TBC1D22A: variants seen among roughly 807,000 people sequenced by gnomAD.
TBC1D22A encodes the protein putative GTPase activator.
A neutral mutation model predicts 60.2 loss-of-function variants in TBC1D22A; 38 were observed. That is an observed-to-expected ratio of 0.63 (90% CI 0.49 to 0.83). TBC1D22A has a LOEUF of 0.83. Ranked by LOEUF, TBC1D22A falls within the 40% of genes least tolerant of loss-of-function variation. The probability of loss-of-function intolerance (pLI) is 0.00; values close to 1 mark genes in which losing one functional copy is unlikely to be tolerated. For missense variants in TBC1D22A, 628 were observed against 701.0 expected, an observed-to-expected ratio of 0.90 and a Z score of 1.18; for synonymous variants, 302 against 281.7, an observed-to-expected ratio of 1.07 and a Z score of -0.72.
chr22:47,119,523 G>T (rs1462896188), intron 12 of TBC1D22A, among the ~76,000 whole-genome samples: 1 of 147,878 alleles, frequency 6.8e-6, no homozygotes, highest in Non-Finnish European at 1.5e-5. Context: ...TTGAGACGAA[G>T]TCTCACACTG....
intron 4 of TBC1D22A, among the ~76,000 whole-genome samples, chr22:46,876,382 A>G (rs1234434973): frequency 1.3e-5 from 2 of 152,254 alleles, no homozygotes; most frequent in Non-Finnish European, 2.9e-5. Context: ...AGACCTAGCA[A>G]TGTCATTACT....
intron 9 of TBC1D22A, among the ~76,000 whole-genome samples, chr22:46,994,666 C>T (rs2075058894): frequency 6.6e-6 from 1 of 152,232 alleles, no homozygotes; most frequent in Non-Finnish European, 1.5e-5. Context: ...CTTAGGACCT[C>T]TGTGTACTGG....
intron 12 of TBC1D22A, among the ~76,000 whole-genome samples, chr22:47,122,703 A>C (rs1247248280): frequency 6.6e-6 from 1 of 152,260 alleles, no homozygotes; most frequent in East Asian, 1.9e-4. Flanking sequence ...TAGGAAAGAC[A>C]ACAGCAGCAA....
intron 7 of TBC1D22A, among the ~76,000 whole-genome samples, chr22:46,907,421 A>T (rs2069567965): frequency 6.6e-6 from 1 of 152,150 alleles, no homozygotes; most frequent in Non-Finnish European, 1.5e-5. Flanking sequence ...GAGGAAACAG[A>T]TGGGAGAGGC....
At chr22:46,866,682 T>A (rs1012794829) in intron 4 of TBC1D22A, among the ~76,000 whole-genome samples, 2 of 152,252 alleles carry the variant, frequency 1.3e-5, no homozygotes, top group Non-Finnish European at 2.9e-5. Context: ...TGAACAAGTC[T>A]ATAGTGCTGA....
intron 11 of TBC1D22A, among the ~76,000 whole-genome samples, chr22:47,096,367 A>G (rs548831278): frequency 1.4e-4 from 22 of 152,206 alleles, no homozygotes; most frequent in Admixed American, 4.6e-4. Flanking sequence ...TCTTTGGAGG[A>G]TTTTGAAGTA....
At chr22:47,044,796 G>A (rs2062975581) in intron 11 of TBC1D22A, among the ~76,000 whole-genome samples, 1 of 152,172 alleles carries the variant, frequency 6.6e-6, no homozygotes, top group Admixed American at 6.5e-5. Context: ...CAGTGTCCTG[G>A]GGATTTAATG....
intron 11 of TBC1D22A, among the ~76,000 whole-genome samples, chr22:47,045,505 C>T (rs1000390671): frequency 5.9e-5 from 9 of 152,196 alleles, no homozygotes; most frequent in African/African-American, 2.2e-4. Flanking sequence ...GAGTCCTTAG[C>T]CACCTCCAGA....
chr22:47,055,001 G>T (rs1210993981), intron 11 of TBC1D22A, among the ~76,000 whole-genome samples: 1 of 152,234 alleles, frequency 6.6e-6, no homozygotes, highest in Non-Finnish European at 1.5e-5. Flanking sequence ...GCGCAGCTGG[G>T]TGGCAGTGGG....
rs138299532 is a variant in TBC1D22A at position 47,169,995 on chromosome 22, C to G, written c.1426-3503C>G. 2.3e-3 allele frequency among the ~76,000 whole-genome samples: 352 copies of G among 152,326 alleles called. 1 individual carries two copies. The highest frequency in any genetic ancestry group is 8.2e-3 in the African/African-American group (340 of 41,566). ...TCGCCCGTGGTGGCCCCTCTGCCTG[C>G]CTGGTGTGGGTGATGCAGAACAGCT... On this transcript the variant is annotated intron_variant, in intron 12 of 12. Transcript: ENST00000337137.
At chr22:46,894,685 C>T (rs551661342) in intron 6 of TBC1D22A, 99 bp from the exon 7 acceptor site, 625 of 1,411,516 alleles carry the variant, frequency 4.4e-4, no homozygotes, top group Non-Finnish European at 5.9e-4. Flanking sequence ...GGGTAGAGGC[C>T]GGGGAAGGAC....
chr22:47,025,712 A>G lies in TBC1D22A; in HGVS notation c.1202-11359A>G, dbSNP rs140478652. Among the ~76,000 whole-genome samples the G allele has an allele frequency of 1.8e-4, 28 of 152,240 alleles. 1 individual carries two copies. Among genetic ancestry groups the G allele is most frequent in the African/African-American group, 5.8e-4 (24 of 41,538 alleles). On this transcript the variant is annotated intron_variant, in intron 10 of 12. Transcript: ENST00000337137. ...GAAGAGGCTGTATTTACAGGGAAAC[A>G]TATAGTACTGAGTGTGTGCGAAGAG...
Position 46,910,319 on chromosome 22 carries a change from G to A in TBC1D22A, c.901-1755G>A, listed in dbSNP as rs2069822537. ...CTCCTTGGGTTGAGAGACTTCACCT[G>A]TCGGTCCCAGGTCCCTCCTTTGTAG... On this transcript the variant is annotated intron_variant, in intron 7 of 12. Coordinates refer to ENST00000337137, the MANE Select transcript of TBC1D22A (RefSeq NM_014346.5). 3.3e-5 allele frequency among the ~76,000 whole-genome samples: 5 copies of A among 152,202 alleles called. 1 individual carries two copies. In the South Asian group the frequency reaches 1.0e-3, roughly 32 times the overall value.
At chr22:47,087,525 A>G (rs1299811273) in intron 11 of TBC1D22A, among the ~76,000 whole-genome samples, 1 of 152,242 alleles carries the variant, frequency 6.6e-6, no homozygotes, top group East Asian at 1.9e-4. Context: ...CAGCCCCAGT[A>G]GGATATATCT....
intron 10 of TBC1D22A, among the ~76,000 whole-genome samples, chr22:47,025,428 T>A (rs2062221449): frequency 6.6e-6 from 1 of 152,238 alleles, no homozygotes; most frequent in Non-Finnish European, 1.5e-5. Flanking sequence ...GGAATTAAAT[T>A]AGCAATCTTT....
At chr22:46,810,555 A>G (rs1428482689) in intron 4 of TBC1D22A, among the ~76,000 whole-genome samples, 1 of 152,182 alleles carries the variant, frequency 6.6e-6, no homozygotes, top group African/African-American at 2.4e-5. Flanking sequence ...AAATCATCAA[A>G]TTTTTAAGTA....
chr22:47,105,008 C>T (rs5766674), intron 11 of TBC1D22A, among the ~76,000 whole-genome samples: 68,561 of 151,784 alleles, frequency 0.45, 16,503 homozygotes, highest in African/African-American at 0.63. Flanking sequence ...CTAAAATGTA[C>T]AAAATCAAGC....
At chr22:46,803,341 C>T (rs1396599369) in intron 4 of TBC1D22A, among the ~76,000 whole-genome samples, 4 of 152,170 alleles carry the variant, frequency 2.6e-5, no homozygotes, top group East Asian at 1.9e-4. Context: ...CCAGGTCACA[C>T]GTTTCTGGTT....
chr22:46,887,195 T>C (rs2068162011), intron 5 of TBC1D22A, among the ~76,000 whole-genome samples: 1 of 152,200 alleles, frequency 6.6e-6, no homozygotes, highest in South Asian at 2.1e-4. Context: ...TACTCATACT[T>C]CACAGATGCA....
Sources: gnomAD v4.1 joint callset for allele counts (sites outside exome capture counted in the v4.1 genomes callset) on GRCh38, gnomAD v4.1.1 for gene constraint, MANE v1.5 for transcripts, NCBI Gene and HGNC (gene_info 2026-07-23, HGNC 2026-07-21) for gene names.